Variants in GRIK4 observed in about 807,000 individuals in gnomAD.
GRIK4 encodes glutamate ionotropic receptor kainate type subunit 4.
GRIK4 carries 40 observed loss-of-function variants against 104.9 expected under a neutral mutation model. The observed-to-expected ratio is 0.38, with a 90% confidence interval of 0.30 to 0.50. The LOEUF is 0.50. Ranked by LOEUF, GRIK4 falls within the 20% of genes least tolerant of loss-of-function variation. The pLI, the probability that GRIK4 is intolerant of heterozygous loss-of-function variation, is 0.93. For missense variants in GRIK4, 1,047 were observed against 1,308.1 expected (o/e 0.80, Z 3.08); for synonymous variants, 485 against 524.9 (o/e 0.92, Z 1.04).
At chr11:120,693,823 G>A (rs1430764486) in intron 3 of GRIK4, among the ~76,000 whole-genome samples, 1 of 152,200 alleles carries the variant, frequency 6.6e-6, no homozygotes, top group Non-Finnish European at 1.5e-5. Context: ...GGCTGAGCCG[G>A]GAGGGGCTCC....
At chr11:120,691,339 C>T (rs1408079116) in intron 3 of GRIK4, among the ~76,000 whole-genome samples, 3 of 152,066 alleles carry the variant, frequency 2.0e-5, no homozygotes, top group African/African-American at 4.8e-5. Flanking sequence ...AGGAGGGAAC[C>T]AATAGACACC....
At chr11:120,885,452 C>G (rs1834220415) in intron 11 of GRIK4, among the ~76,000 whole-genome samples, 1 of 151,196 alleles carries the variant, frequency 6.6e-6, no homozygotes, top group Non-Finnish European at 1.5e-5. Context: ...ATGGCACAAT[C>G]TTGGCTCACT....
chr11:120,626,926 A>G (rs1422938273), intron 1 of GRIK4, among the ~76,000 whole-genome samples: 1 of 152,216 alleles, frequency 6.6e-6, no homozygotes, highest in East Asian at 1.9e-4. Flanking sequence ...AGCCAGCCCT[A>G]GTGATGGTAA....
rs147141780 is a variant in GRIK4, at chr11:120,908,702, T to C, written c.1476+3209T>C. On this transcript the variant is annotated intron_variant, in intron 13 of 20. Coordinates refer to ENST00000527524, the MANE Select transcript of GRIK4 (RefSeq NM_014619.5). ...GACTGTTCAGCCTGCAGAGGCCCTA[T>C]GAAATGATTGCCTCACTAAACAGTC... Among the ~76,000 whole-genome samples, 491 of 152,306 alleles carry C rather than the reference T, an allele frequency of 3.2e-3. 4 individuals carry two copies. Among genetic ancestry groups the C allele is most frequent in the African/African-American group, 0.011 (475 of 41,574 alleles).
At chr11:120,828,918 T>C (rs1220549397) in intron 6 of GRIK4, among the ~76,000 whole-genome samples, 1 of 152,188 alleles carries the variant, frequency 6.6e-6, no homozygotes, top group Non-Finnish European at 1.5e-5. Context: ...GGGAGTTTCG[T>C]GCACCTGCCA....
Position 120,815,466 on chromosome 11 carries a change from A to G in GRIK4, c.336A>G (p.Gly112=), listed in dbSNP as rs1157487483. Reference sequence around the variant, plus strand: ...GCTCCATCATCAGCAACATCTGTGGAGAGAAGGAGGTGAGTGTGAGGCAGG... The same window carrying G: ...GCTCCATCATCAGCAACATCTGTGGGGAGAAGGAGGTGAGTGTGAGGCAGG... ...ASSSIISNIC[G]EKEVPHFKVA... Residue 112 remains glycine, a synonymous_variant, in exon 5 of 21, where the codon GGA becomes GGG. Transcript: ENST00000527524. The G allele has an allele frequency of 2.6e-6, 4 of 1,541,794 alleles. No homozygotes were observed. Among genetic ancestry groups the G allele is most frequent in the Non-Finnish European group, 3.5e-6 (4 of 1,139,584 alleles).
In GRIK4 at chr11:120,697,903, G is replaced by T. The variant is rs1008166554; in HGVS notation, c.82+37503G>T. On this transcript the variant is annotated intron_variant, in intron 3 of 20. Transcript: ENST00000527524. ...TCACAGCTCCTGCACCTGCCGTGCC[G>T]TCTTCTCACATCACTGATGCACTGC... is the stretch of plus-strand genomic sequence containing the variant. Among the ~76,000 whole-genome samples, 3 of 152,134 alleles carry T rather than the reference G, an allele frequency of 2.0e-5. No homozygotes were observed. In the South Asian group the frequency reaches 6.2e-4, roughly 31 times the overall value.
intron 6 of GRIK4, among the ~76,000 whole-genome samples, chr11:120,824,365 CAA>C (rs1565374604): frequency 1.3e-5 from 2 of 152,194 alleles, no homozygotes; most frequent in Non-Finnish European, 1.5e-5. Flanking sequence ...GGGGGGCTTC[CAA>C]GGAGAGTTGG....
At chr11:120,795,437 T>C (rs1952491706) in intron 3 of GRIK4, among the ~76,000 whole-genome samples, 2 of 152,208 alleles carry the variant, frequency 1.3e-5, no homozygotes, top group South Asian at 4.1e-4. Flanking sequence ...CGTCCACTCA[T>C]CGCCTAATGC....
intron 3 of GRIK4, among the ~76,000 whole-genome samples, chr11:120,748,593 T>C (rs1301823249): frequency 6.6e-6 from 1 of 152,066 alleles, no homozygotes; most frequent in Non-Finnish European, 1.5e-5. Flanking sequence ...GAGGAAGGAA[T>C]GAAACGTGCC....
At chr11:120,836,599 C>T (rs924464922) in intron 7 of GRIK4, among the ~76,000 whole-genome samples, 192 bp from the exon 8 acceptor site, 29 of 152,318 alleles carry the variant, frequency 1.9e-4, no homozygotes, top group African/African-American at 5.5e-4. Context: ...AGACCCCGCT[C>T]TTGAGACCAG....
At position 120,923,481 on chromosome 11, in the gene GRIK4, C is replaced by T. The variant is rs1010351806; in HGVS notation, c.1477-16866C>T. Among the ~76,000 whole-genome samples, 26 of 138,538 alleles carry T rather than the reference C, an allele frequency of 1.9e-4. 1 individual carries two copies. Among genetic ancestry groups the T allele is most frequent in the African/African-American group, 2.7e-5 (1 of 36,722 alleles). The allele number at this position is 138,538 out of a possible 152,430, so 90.9% of individuals were successfully genotyped here. A position where few individuals can be genotyped will look rare whatever the true frequency, so the allele number is the denominator to read the frequency against. On this transcript the variant is annotated intron_variant, in intron 13 of 20. Coordinates refer to ENST00000527524, the MANE Select transcript of GRIK4 (RefSeq NM_014619.5). ...AGGCTGGAGTGCAGTGGCGCGATCT[C>T]GGCTCACTGCAAGCTCCGCCTCCCG...
At chr11:120,797,086 C>T (rs1952533389) in intron 3 of GRIK4, among the ~76,000 whole-genome samples, 1 of 152,144 alleles carries the variant, frequency 6.6e-6, no homozygotes, top group South Asian at 2.1e-4. Context: ...ATCCCGGCTT[C>T]CTGGGCATGC....
At position 120,986,353 on chromosome 11, in the gene GRIK4, A is replaced by G; in HGVS notation, c.*93A>G. On this transcript the variant is annotated 3_prime_UTR_variant, in exon 21 of 21. Transcript: ENST00000527524. ...GTCAGCCGCCAGCCGGAACTTGTAC[A>G]GCGTCGACACCTCTCCAGATTTCGG... 1 of 1,361,766 alleles carries G rather than the reference A, an allele frequency of 7.3e-7. No homozygotes were observed. The highest frequency in any genetic ancestry group is 9.5e-7 in the Non-Finnish European group (1 of 1,048,882). 84.4% of individuals were successfully genotyped at this position (1,361,766 alleles called of 1,614,324 possible).
At chr11:120,769,124 C>A (rs1951892677) in intron 3 of GRIK4, among the ~76,000 whole-genome samples, 2 of 152,110 alleles carry the variant, frequency 1.3e-5, no homozygotes, top group African/African-American at 4.8e-5. Flanking sequence ...AGTAATTCTT[C>A]CTTGAATGTT....
chr11:120,792,929 A>G lies in GRIK4; in HGVS notation c.83-9764A>G, dbSNP rs549983866. Among the ~76,000 whole-genome samples the G allele has an allele frequency of 1.3e-4, 20 of 152,270 alleles. No homozygotes were observed. In the South Asian group the frequency reaches 1.7e-3, roughly 13 times the overall value. On this transcript the variant is annotated intron_variant, in intron 3 of 20. Transcript: ENST00000527524. ...AGGCCTCTGCAAAGACCTTGGATGC[A>G]CCGTTGTTTAAAGGGGAGGCAGAAG...
At chr11:120,957,173 G>A (rs1469028274) in intron 16 of GRIK4, among the ~76,000 whole-genome samples, 1 of 152,236 alleles carries the variant, frequency 6.6e-6, no homozygotes, top group Non-Finnish European at 1.5e-5. Flanking sequence ...CTGGGGTCTG[G>A]ATGCAGAGGG....
chr11:120,827,386 A>T (rs764566208), intron 6 of GRIK4, among the ~76,000 whole-genome samples: 3 of 152,164 alleles, frequency 2.0e-5, no homozygotes, highest in Non-Finnish European at 2.9e-5. Flanking sequence ...GTCCCGCTGC[A>T]TCCTGAGCAA....
In GRIK4 at chr11:120,569,534, C is replaced by G. The variant is rs1948371266; in HGVS notation, c.-159+57647C>G. Among the ~76,000 whole-genome samples the G allele has an allele frequency of 2.0e-5, 3 of 152,144 alleles. No homozygotes were observed. In the South Asian group the frequency reaches 6.2e-4, roughly 32 times the overall value. On this transcript the variant is annotated intron_variant, in intron 1 of 20. Transcript: ENST00000527524. ...ATTAAGAAGCTCCCCTTCTCTCATG[C>G]CCCCATTTCTATATATGGGTATTCC...
Sources: allele counts gnomAD v4.1 joint callset (sites outside exome capture counted in the v4.1 genomes callset), GRCh38; gene constraint gnomAD v4.1.1; transcripts MANE v1.5; gene names NCBI Gene and HGNC (gene_info 2026-07-23, HGNC 2026-07-21).